RSF1: variants seen among roughly 807,000 people sequenced by gnomAD.
RSF1 encodes HBV pX-associated protein 8.
A neutral mutation model predicts 145.2 loss-of-function variants in RSF1; 13 were observed. The observed-to-expected ratio is 0.09, with a 90% confidence interval of 0.06 to 0.14. The LOEUF (loss-of-function observed/expected upper bound fraction) is 0.14. Among genes scored for constraint, RSF1 ranks in the 10% least tolerant of loss-of-function variants. The probability of loss-of-function intolerance (pLI) is 1.00; values close to 1 mark genes in which losing one functional copy is unlikely to be tolerated. For missense variants in RSF1, 1,517 were observed against 1,718.2 expected, an observed-to-expected ratio of 0.88 and a Z score of 2.07; for synonymous variants, 577 against 592.6, an observed-to-expected ratio of 0.97 and a Z score of 0.38.
the RSF1 span, among the ~76,000 whole-genome samples, chr11:77,844,549 A>T: frequency 6.6e-6 from 1 of 151,754 alleles, no homozygotes; most frequent in Non-Finnish European, 1.5e-5. Flanking sequence ...TTTTATAGAG[A>T]TGAGGTCTCA....
chr11:77,695,997 A>C (rs1960269021), intron 7 of RSF1, among the ~76,000 whole-genome samples: 1 of 152,054 alleles, frequency 6.6e-6, no homozygotes, highest in Non-Finnish European at 1.5e-5. Context: ...GGGTGGGAGG[A>C]GGCACACCAT....
At chr11:77,820,930 G>C (rs890530631), upstream of RSF1, 132 of 565,236 alleles carry the variant, frequency 2.3e-4, no homozygotes, top group Non-Finnish European at 3.6e-4. Context: ...GGCCCTCGGC[G>C]CCTTTCACTT....
At position 77,672,259 on chromosome 11, in the gene RSF1, C is replaced by T. The variant is rs201038173; in HGVS notation, c.3563-29G>A. 16 of 1,541,824 alleles carry T rather than the reference C, an allele frequency of 1.0e-5. No individual in the cohort carries two copies. The African/African-American group carries it at 2.1e-4, about 20-fold the overall frequency. On this transcript the variant is annotated intron_variant, in intron 14 of 15. Transcript: ENST00000308488. Reference sequence around the variant, plus strand: ...TTTTAAAAAAAGGAAGAACAAAGTACAAAATTTAAGTCTATTTAGAAATGT... The same window carrying T: ...TTTTAAAAAAAGGAAGAACAAAGTATAAAATTTAAGTCTATTTAGAAATGT...
chr11:77,740,152 G>T (rs760394085), intron 4 of RSF1, among the ~76,000 whole-genome samples: 4 of 152,130 alleles, frequency 2.6e-5, no homozygotes, highest in Non-Finnish European at 5.9e-5. Context: ...GAGGCGGGTA[G>T]ATCACCTGAG....
intron 11 of RSF1, among the ~76,000 whole-genome samples, 172 bp downstream of exon 11, chr11:77,683,538 C>CA (rs1468787778): frequency 6.7e-4 from 80 of 120,044 alleles, no homozygotes; most frequent in East Asian, 6.3e-3. Context: ...GACTCAGTCT[C>CA]AAAAAAAAAA....
chr11:77,815,118 T>C (rs1266156418), intron 1 of RSF1, among the ~76,000 whole-genome samples: 2 of 152,264 alleles, frequency 1.3e-5, no homozygotes, highest in East Asian at 3.8e-4. Flanking sequence ...ATGCCTGCTG[T>C]TCTCTCTAGT....
the RSF1 span, among the ~76,000 whole-genome samples, chr11:77,858,679 G>A: frequency 3.4e-4 from 52 of 152,186 alleles, no homozygotes; most frequent in African/African-American, 1.1e-3. Flanking sequence ...GCCGATGACC[G>A]CTCTAACTGC....
the RSF1 span, among the ~76,000 whole-genome samples, chr11:77,837,961 T>G: frequency 3.3e-5 from 5 of 152,188 alleles, no homozygotes; most frequent in Non-Finnish European, 7.3e-5. Flanking sequence ...TAGTTCCAGC[T>G]AGGAACTAGC....
At chr11:77,854,193 C>T in the RSF1 span, among the ~76,000 whole-genome samples, 3 of 152,016 alleles carry the variant, frequency 2.0e-5, no homozygotes, top group African/African-American at 4.8e-5. Context: ...GGGGTTTCAT[C>T]GTGTTAGCCA....
intron 2 of RSF1, among the ~76,000 whole-genome samples, chr11:77,758,297 A>G (rs1275594427): frequency 1.3e-5 from 2 of 152,176 alleles, no homozygotes; most frequent in Admixed American, 6.5e-5. Flanking sequence ...AAAAAGTCCA[A>G]TTCATCTTTC....
rs145491195 is a variant in RSF1 at position 77,819,820 on chromosome 11, C to T, written c.187+708G>A. Among the ~76,000 whole-genome samples, 690 of 152,196 alleles carry T rather than the reference C, an allele frequency of 4.5e-3. 6 individuals are homozygous for T. The highest frequency in any genetic ancestry group is 6.1e-3 in the Non-Finnish European group (413 of 67,990). On this transcript the variant is annotated intron_variant, in intron 1 of 15. Coordinates refer to ENST00000308488, the MANE Select transcript of RSF1 (RefSeq NM_016578.4). ...ATGGAGGAGGAATTAACCCTCTCCT[C>T]TCCACAGTGGAGCTGAACCGACTTC... is the stretch of plus-strand genomic sequence containing the variant.
Position 77,660,210 on chromosome 11 carries a change from C to T in RSF1, c.*6707G>A, listed in dbSNP as rs1055405147. 2.6e-5 allele frequency: 4 copies of T among 152,120 alleles called. No homozygotes were observed. The highest frequency in any genetic ancestry group is 1.3e-4 in the Admixed American group (2 of 15,254). The allele number at this position is 152,120 out of a possible 1,614,324, so 9.4% of individuals were successfully genotyped here. A position where few individuals can be genotyped will look rare whatever the true frequency, so the allele number is the denominator to read the frequency against. ...CATTTCATTAACAAAAATACTGGCA[C>T]CAGCCACAACATATTTTGGTTGTCA... On this transcript the variant is annotated 3_prime_UTR_variant, in exon 16 of 16. Coordinates refer to ENST00000308488, the MANE Select transcript of RSF1 (RefSeq NM_016578.4).
chr11:77,823,451 C>T (rs558535817), upstream of RSF1, among the ~76,000 whole-genome samples: 32 of 151,436 alleles, frequency 2.1e-4, no homozygotes, highest in African/African-American at 7.3e-4. Context: ...ATAATCTGGG[C>T]GAGGTGGGGT....
chr11:77,778,286 G>GA (rs538447428), intron 1 of RSF1, among the ~76,000 whole-genome samples: 2 of 132,824 alleles, frequency 1.5e-5, no homozygotes, highest in Non-Finnish European at 3.2e-5. Flanking sequence ...GAGGGGAGGG[G>GA]AAAAAATACC....
chr11:77,670,617 A>C (rs904560894), intron 15 of RSF1, among the ~76,000 whole-genome samples: 1 of 152,160 alleles, frequency 6.6e-6, no homozygotes, highest in Non-Finnish European at 1.5e-5. Flanking sequence ...TAGCTTAATA[A>C]ATATTCATAT....
the RSF1 span, among the ~76,000 whole-genome samples, chr11:77,832,989 GTGTGTGTGTATA>G: frequency 1.7e-4 from 5 of 29,146 alleles, no homozygotes; most frequent in African/African-American, 1.1e-3. Flanking sequence ...GTGTGTGTGT[GTGTGTGTGTATA>G]TATATATATT....
chr11:77,862,382 A>G, the RSF1 span, among the ~76,000 whole-genome samples: 1 of 152,216 alleles, frequency 6.6e-6, no homozygotes, highest in Non-Finnish European at 1.5e-5. Context: ...ACATCAATAT[A>G]GCCATCAGGG....
intron 2 of RSF1, among the ~76,000 whole-genome samples, chr11:77,752,211 A>G (rs1948070140): frequency 6.6e-6 from 1 of 152,220 alleles, no homozygotes; most frequent in Non-Finnish European, 1.5e-5. Context: ...AAACATAAAT[A>G]TGGAAGCTGA....
chr11:77,804,279 C>G (rs1237894207), intron 1 of RSF1, among the ~76,000 whole-genome samples: 1 of 152,128 alleles, frequency 6.6e-6, no homozygotes, highest in Non-Finnish European at 1.5e-5. Context: ...AAATAAAGCA[C>G]TTTCTTGAGT....
Sources: gnomAD v4.1 joint callset for allele counts (sites outside exome capture counted in the v4.1 genomes callset) on GRCh38, gnomAD v4.1.1 for gene constraint, MANE v1.5 for transcripts, NCBI Gene and HGNC (gene_info 2026-07-23, HGNC 2026-07-21) for gene names.